TPO: variants seen among roughly 807,000 people sequenced by gnomAD.
TPO encodes the protein thyroid peroxidase, also known as thyroid microsomal antigen.
TPO carries 78 observed loss-of-function variants against 96.9 expected under a neutral mutation model. The observed-to-expected ratio is 0.81, with a 90% CI of 0.67 to 0.97. The LOEUF (loss-of-function observed/expected upper bound fraction) is 0.97. Ranked by LOEUF, TPO falls within the 50% of genes least tolerant of loss-of-function variation. The pLI, the probability that TPO is intolerant of heterozygous loss-of-function variation, is 0.00. For synonymous variants in TPO, 547 were observed against 538.0 expected (o/e 1.02, Z -0.23); for missense variants, 1,252 against 1,274.8 (o/e 0.98, Z 0.27).
At chr2:1,500,982 A>G (rs1049433798) in intron 13 of TPO, among the ~76,000 whole-genome samples, 1 of 152,040 alleles carries the variant, frequency 6.6e-6, no homozygotes, top group South Asian at 2.1e-4. Flanking sequence ...AAAAAAAAAA[A>G]AAAAAACTGG....
At chr2:1,476,300 G>A (rs1669929079) in intron 7 of TPO, among the ~76,000 whole-genome samples, 1 of 152,146 alleles carries the variant, frequency 6.6e-6, no homozygotes, top group African/African-American at 2.4e-5. Context: ...CCCTGACCCC[G>A]TGACACCTCA....
At chr2:1,441,950 G>A (rs1666236008) in intron 5 of TPO, among the ~76,000 whole-genome samples, 2 of 152,154 alleles carry the variant, frequency 1.3e-5, no homozygotes. Flanking sequence ...GGGACCAGGT[G>A]GGAGGTAATT....
Position 1,407,405 on chromosome 2 carries a change from T to C in TPO, n.180+33003T>C, listed in dbSNP as rs13407974. ...AGACAGCTGAAAACTGGTGAAACATTTTTCAAAGTGCATCTCTGAATTGTT... is the reference window on the plus strand; with the variant it reads ...AGACAGCTGAAAACTGGTGAAACATCTTTCAAAGTGCATCTCTGAATTGTT... On this transcript the variant is annotated intron_variant and non_coding_transcript_variant, in intron 1 of 5. Transcript: ENST00000497517. Among the ~76,000 whole-genome samples the C allele has an allele frequency of 4.3e-3, 650 of 152,280 alleles. 3 individuals are homozygous for C. Among genetic ancestry groups the C allele is most frequent in the African/African-American group, 0.015 (622 of 41,546 alleles).
chr2:1,493,634 C>T (rs1165508722), intron 10 of TPO, among the ~76,000 whole-genome samples, 168 bp from the exon 11 acceptor site: 6 of 149,774 alleles, frequency 4.0e-5, no homozygotes, highest in African/African-American at 7.6e-5. Context: ...CTCTGCCGGG[C>T]GTCGGAGCTG....
chr2:1,494,769 C>A (rs918177496), intron 11 of TPO, among the ~76,000 whole-genome samples: 4 of 152,210 alleles, frequency 2.6e-5, no homozygotes, highest in African/African-American at 9.7e-5. Context: ...AATTCTCTCT[C>A]TATTTTTGGT....
At position 1,543,100 on chromosome 2, in the gene TPO, T is replaced by C. The variant is rs1680920459; in HGVS notation, c.*626T>C. 1.2e-5 allele frequency: 2 copies of C among 166,736 alleles called. No individual in the cohort carries two copies. The highest frequency in any genetic ancestry group is 4.8e-5 in the African/African-American group (2 of 41,594). The allele number at this position is 166,736 out of a possible 1,614,324, so 10.3% of individuals were successfully genotyped here. A position where few individuals can be genotyped will look rare whatever the true frequency, so the allele number is the denominator to read the frequency against. On this transcript the variant is annotated 3_prime_UTR_variant, in exon 17 of 17. Transcript: ENST00000329066. ...CCGCCCTGCCGCACACTGCTCTTAC[T>C]CCTCCTTATACCCTCACTCACGGGG...
chr2:1,384,609 G>T (rs2148348297), intron 1 of TPO, among the ~76,000 whole-genome samples: 1 of 152,190 alleles, frequency 6.6e-6, no homozygotes, highest in Middle Eastern at 3.4e-3. Flanking sequence ...AGGAGATTTT[G>T]GGCTGAGATG....
At chr2:1,452,921 A>G (rs2148578281) in intron 5 of TPO, among the ~76,000 whole-genome samples, 1 of 152,318 alleles carries the variant, frequency 6.6e-6, no homozygotes, top group African/African-American at 2.4e-5. Flanking sequence ...CAAAATATTC[A>G]ACACACCTTT....
intron 5 of TPO, among the ~76,000 whole-genome samples, chr2:1,448,122 C>A (rs1235539680): frequency 6.6e-6 from 1 of 152,158 alleles, no homozygotes; most frequent in Non-Finnish European, 1.5e-5. Context: ...GGATTGGAGG[C>A]AGGGGCTGCT....
At chr2:1,386,482 T>C (rs1234515745) in intron 1 of TPO, among the ~76,000 whole-genome samples, 4 of 152,044 alleles carry the variant, frequency 2.6e-5, no homozygotes, top group Non-Finnish European at 5.9e-5. Flanking sequence ...TCTTTGTCTC[T>C]TTTGATCTTT....
Position 1,423,226 on chromosome 2 carries a change from T to G in TPO, c.179+97T>G. ...GTGGCCTGATTTTCGCAATTGCAGATGAAAACCTGAAGCTTGCCATTGTTA... is the reference window on the plus strand; with the variant it reads ...GTGGCCTGATTTTCGCAATTGCAGAGGAAAACCTGAAGCTTGCCATTGTTA... On this transcript the variant is annotated intron_variant, in intron 3 of 16. Coordinates refer to ENST00000329066, the MANE Select transcript of TPO (RefSeq NM_001206744.2). 3.7e-6 allele frequency: 4 copies of G among 1,086,132 alleles called. No individual in the cohort carries two copies. In the South Asian group the frequency reaches 5.3e-5, roughly 14 times the overall value. The allele number at this position is 1,086,132 out of a possible 1,614,324, so 67.3% of individuals were successfully genotyped here.
At chr2:1,500,290 A>G (rs1672744624) in intron 13 of TPO, among the ~76,000 whole-genome samples, 1 of 152,216 alleles carries the variant, frequency 6.6e-6, no homozygotes, top group South Asian at 2.1e-4. Flanking sequence ...ACCTTCATCA[A>G]TACAACTCTT....
At chr2:1,386,334 A>G (rs566726767) in intron 1 of TPO, among the ~76,000 whole-genome samples, 209 of 152,074 alleles carry the variant, frequency 1.4e-3, no homozygotes, top group African/African-American at 4.8e-3. Flanking sequence ...TCCCATTATT[A>G]TTGTGTGGGA....
intron 5 of TPO, among the ~76,000 whole-genome samples, chr2:1,448,941 C>T (rs956814162): frequency 3.9e-5 from 6 of 152,136 alleles, no homozygotes; most frequent in Non-Finnish European, 7.3e-5. Context: ...GCTTCCCTCC[C>T]GGATGCACAG....
chr2:1,495,264 T>C (rs547616288), intron 11 of TPO, among the ~76,000 whole-genome samples: 1 of 152,348 alleles, frequency 6.6e-6, no homozygotes, highest in Admixed American at 6.5e-5. Context: ...GAGGAATTCA[T>C]CCCTGTGATG....
At chr2:1,498,642 C>T (rs1672586630) in intron 13 of TPO, among the ~76,000 whole-genome samples, 1 of 152,140 alleles carries the variant, frequency 6.6e-6, no homozygotes, top group South Asian at 2.1e-4. Context: ...CCAGAGATTA[C>T]AGTGCCCCAG....
intron 1 of TPO, 97 bp downstream of exon 1, chr2:1,413,642 A>G: frequency 1.0e-6 from 1 of 984,962 alleles, no homozygotes; most frequent in Non-Finnish European, 1.2e-6. Context: ...TTGGGCCATT[A>G]TAGCAGGTAT....
chr2:1,540,511 G>A (rs979871518), intron 15 of TPO, 83 bp from the exon 16 acceptor site: 44 of 1,600,554 alleles, frequency 2.7e-5, no homozygotes, highest in Non-Finnish European at 9.3e-6. Context: ...CGGCTGCCTT[G>A]CCGTCGCTCG....
chr2:1,430,889 C>A (rs953754492), intron 3 of TPO, among the ~76,000 whole-genome samples: 2 of 152,194 alleles, frequency 1.3e-5, no homozygotes, highest in African/African-American at 4.8e-5. Flanking sequence ...AAACATATAA[C>A]TGCTTTTTTA....
Sources: allele counts gnomAD v4.1 joint callset (sites outside exome capture counted in the v4.1 genomes callset), GRCh38; gene constraint gnomAD v4.1.1; transcripts MANE v1.5; gene names NCBI Gene and HGNC (gene_info 2026-07-23, HGNC 2026-07-21).